EYA3: variants seen among roughly 807,000 people sequenced by gnomAD.
The protein encoded by EYA3 is EYA transcriptional coactivator and phosphatase 3.
A neutral mutation model predicts 80.0 loss-of-function variants in EYA3; 39 were observed. The observed-to-expected ratio is 0.49, with a 90% CI of 0.38 to 0.64. EYA3 has a LOEUF of 0.64. EYA3 is among the 30% of genes least tolerant of loss of function. The pLI is 0.00. For synonymous variants in EYA3, 206 were observed against 232.8 expected (o/e 0.88, Z 1.05); for missense variants, 523 against 676.1 (o/e 0.77, Z 2.51).
In EYA3 at chr1:28,058,071, GTC is replaced by G; in HGVS notation, c.-47_-46del. The G allele has an allele frequency of 1.3e-6, 2 of 1,504,190 alleles. No individual in the cohort carries two copies. Among genetic ancestry groups the G allele is most frequent in the Non-Finnish European group, 1.8e-6 (2 of 1,107,098 alleles). 93.2% of individuals were successfully genotyped at this position (1,504,190 alleles called of 1,614,324 possible). A position where few individuals can be genotyped will look rare whatever the true frequency, so the allele number is the denominator to read the frequency against. On this transcript the variant is annotated 5_prime_UTR_variant, in exon 2 of 18. Transcript: ENST00000373871. ...TTATACTTATGTGACTGGATTGCAAGTCTCTCTCAGCAGTTTTCACAATCTGT... is the reference window on the plus strand; with the variant it reads ...TTATACTTATGTGACTGGATTGCAAGTCTCTCAGCAGTTTTCACAATCTGT...
chr1:28,017,330 T>G, intron 7 of EYA3, 91 bp from the exon 8 acceptor site: 1 of 904,212 alleles, frequency 1.1e-6, no homozygotes, highest in Non-Finnish European at 1.7e-6. Flanking sequence ...TGAACAGATT[T>G]ATAAGGAGAT....
At chr1:28,056,687 A>G (rs1335110522) in intron 2 of EYA3, among the ~76,000 whole-genome samples, 1 of 152,204 alleles carries the variant, frequency 6.6e-6, no homozygotes, top group Non-Finnish European at 1.5e-5. Context: ...GTTCAAGAGA[A>G]TGACAAGGAA....
chr1:28,073,557 C>A (rs1022323513), intron 1 of EYA3, among the ~76,000 whole-genome samples: 1 of 151,994 alleles, frequency 6.6e-6, no homozygotes, highest in Non-Finnish European at 1.5e-5. Context: ...GTCTCACCCC[C>A]ACAAAGTGCT....
chr1:28,047,670 G>T (rs1012668337), intron 3 of EYA3, among the ~76,000 whole-genome samples: 1 of 122,910 alleles, frequency 8.1e-6, no homozygotes, highest in Non-Finnish European at 1.8e-5. Flanking sequence ...ACAGAGTCTC[G>T]CTCTGTCGCC....
chr1:28,048,541 T>A (rs1443501159), intron 2 of EYA3, 115 bp from the exon 3 acceptor site: 12 of 677,206 alleles, frequency 1.8e-5, no homozygotes, highest in Non-Finnish European at 2.9e-5. Flanking sequence ...TTTTGTTTAG[T>A]CTAGATTTAA....
chr1:28,064,072 A>C (rs1310776727), intron 1 of EYA3, among the ~76,000 whole-genome samples: 3 of 152,212 alleles, frequency 2.0e-5, no homozygotes, highest in Admixed American at 1.3e-4. Context: ...TGTCAACAGT[A>C]GTGGCTTAAT....
intron 2 of EYA3, among the ~76,000 whole-genome samples, chr1:28,049,070 T>C (rs1644141746): frequency 6.6e-6 from 1 of 152,198 alleles, no homozygotes; most frequent in Admixed American, 6.5e-5. Flanking sequence ...TAGAACTGGT[T>C]GTAGTAGAAA....
intron 10 of EYA3, among the ~76,000 whole-genome samples, chr1:28,004,792 C>T (rs773410143): frequency 6.6e-6 from 1 of 151,498 alleles, no homozygotes; most frequent in Non-Finnish European, 1.5e-5. Flanking sequence ...AGAAAAACAG[C>T]AAAATAAACA....
chr1:27,977,122 C>T (rs1301880783), intron 17 of EYA3: 6 of 985,394 alleles, frequency 6.1e-6, no homozygotes, highest in Admixed American at 6.1e-5. Flanking sequence ...GACCAGGAAA[C>T]ATTGATGCCT....
chr1:27,984,228 T>G (rs985783438), intron 16 of EYA3, among the ~76,000 whole-genome samples: 1 of 151,974 alleles, frequency 6.6e-6, no homozygotes, highest in Non-Finnish European at 1.5e-5. Context: ...TTTGTAGAGA[T>G]GGGGCCTCAC....
chr1:28,007,598 G>C (rs887229641), intron 10 of EYA3, among the ~76,000 whole-genome samples: 10 of 152,060 alleles, frequency 6.6e-5, no homozygotes, highest in Admixed American at 3.3e-4. Context: ...CTCCCAAAGT[G>C]CTGGGATTAC....
chr1:27,986,929 C>G (rs559074910), intron 16 of EYA3, among the ~76,000 whole-genome samples: 4 of 150,980 alleles, frequency 2.6e-5, no homozygotes, highest in Non-Finnish European at 5.9e-5. Flanking sequence ...GTCTCGATCT[C>G]CTGACCTTGT....
intron 16 of EYA3, 92 bp from the exon 17 acceptor site, chr1:27,978,566 T>G: frequency 1.0e-6 from 1 of 1,000,096 alleles, no homozygotes; most frequent in South Asian, 1.4e-5. Context: ...CTGCCTGTGC[T>G]TAGGTGGACT....
At position 27,974,090 on chromosome 1, in the gene EYA3, CA is replaced by C. The variant is rs1638824267; in HGVS notation, c.*375del. The stretch of plus-strand genomic sequence containing the variant: ...TTTTTTGAAAACAAAAAAACAAAAA[CA>C]AAACACAGAAAAATTAAAAGCACTG... On this transcript the variant is annotated 3_prime_UTR_variant, in exon 18 of 18. Coordinates refer to ENST00000373871, the MANE Select transcript of EYA3 (RefSeq NM_001990.4). 6.5e-6 allele frequency: 1 copy of C among 154,854 alleles called. No individual in the cohort carries two copies. Among genetic ancestry groups the C allele is most frequent in the African/African-American group, 2.4e-5 (1 of 41,496 alleles). The allele number at this position is 154,854 out of a possible 1,614,324, so 9.6% of individuals were successfully genotyped here.
In EYA3 at chr1:28,058,757, C is replaced by G. The variant is rs142655925; in HGVS notation, c.-68-663G>C. Among the ~76,000 whole-genome samples, 655 of 152,232 alleles carry G rather than the reference C, an allele frequency of 4.3e-3. 8 individuals are homozygous for G. Among genetic ancestry groups the G allele is most frequent in the African/African-American group, 0.015 (624 of 41,556 alleles). On this transcript the variant is annotated intron_variant, in intron 1 of 17. Transcript: ENST00000373871. ...TAACTGTACTGCCCAATTATTTAAGCAAAATCTTTACGTTCTCAGACCCTG... is the reference window on the plus strand; with the variant it reads ...TAACTGTACTGCCCAATTATTTAAGGAAAATCTTTACGTTCTCAGACCCTG...
chr1:28,013,238 G>A lies in EYA3; in HGVS notation c.642C>T (p.Ser214=). 1 of 1,614,160 alleles carries A rather than the reference G, an allele frequency of 6.2e-7. No homozygotes were observed. The highest frequency in any genetic ancestry group is 8.5e-7 in the Non-Finnish European group (1 of 1,180,006). The stretch of plus-strand genomic sequence containing the variant: ...TCTGACCTGTGACTCCAAAGCTGGA[G>A]CTGGGGTAGCAGGCCTGGTACTGAT... ...GQNQYQACYP[S]SSFGVTGQTN... The change falls in exon 9 of 18, where the codon AGC becomes AGT. Residue 214 remains serine (S), a synonymous_variant. Coordinates refer to ENST00000373871, the MANE Select transcript of EYA3 (RefSeq NM_001990.4). The surrounding 1 kb of genome is among the most constrained non-coding windows in gnomAD (Gnocchi z 4.0).
chr1:28,055,798 T>C (rs1215276671), intron 2 of EYA3, among the ~76,000 whole-genome samples: 1 of 152,076 alleles, frequency 6.6e-6, no homozygotes, highest in Non-Finnish European at 1.5e-5. Context: ...GAGGTAGAGC[T>C]AGCAATTAGT....
chr1:27,979,429 C>T (rs894881664), intron 16 of EYA3, among the ~76,000 whole-genome samples: 2 of 152,098 alleles, frequency 1.3e-5, no homozygotes, highest in African/African-American at 2.4e-5. Flanking sequence ...TAGTTGTAAC[C>T]AAGATACTGC....
At chr1:28,045,749 T>C (rs566952544) in intron 3 of EYA3, among the ~76,000 whole-genome samples, 5 of 152,210 alleles carry the variant, frequency 3.3e-5, no homozygotes, top group Non-Finnish European at 7.4e-5. Flanking sequence ...TGCTTAACAA[T>C]GAATACACCA....
Sources: gnomAD v4.1 joint callset for allele counts (sites outside exome capture counted in the v4.1 genomes callset) on GRCh38, gnomAD v4.1.1 for gene constraint, Gnocchi (gnomAD v3.1) non-coding constraint, MANE v1.5 for transcripts, NCBI Gene and HGNC (gene_info 2026-07-23, HGNC 2026-07-21) for gene names.